Variants in SMCO4 observed in about 807,000 individuals in gnomAD.
SMCO4 encodes single-pass membrane protein with coiled-coil domains 4.
Under a neutral mutation model 3.6 loss-of-function variants are expected in SMCO4, and 4 were observed. That is an observed-to-expected ratio of 1.11 (90% CI 0.54 to 2.53). The LOEUF (loss-of-function observed/expected upper bound fraction) is 2.53. SMCO4 is among the 30% of genes most tolerant of loss of function. The probability of loss-of-function intolerance (pLI) is 0.02; values close to 1 mark genes in which losing one functional copy is unlikely to be tolerated. For synonymous variants in SMCO4, 36 were observed against 35.3 expected (o/e 1.02, Z -0.07); for missense variants, 70 against 80.8 (o/e 0.87, Z 0.51).
chr11:93,481,052 A>AG (rs374011282), intron 2 of SMCO4, among the ~76,000 whole-genome samples: 82 of 151,834 alleles, frequency 5.4e-4, no homozygotes, highest in African/African-American at 1.9e-3. Context: ...GAAAAAAAAA[A>AG]ACACCTACTA....
chr11:93,514,413 T>TATATACAC (rs58462328), intron 1 of SMCO4, among the ~76,000 whole-genome samples: 2,238 of 33,660 alleles, frequency 0.066, 202 homozygotes, highest in Non-Finnish European at 0.091. Flanking sequence ...TATATATATA[T>TATATACAC]ATATATATAA....
intron 2 of SMCO4, 74 bp from the exon 3 acceptor site, chr11:93,479,343 C>A: frequency 7.6e-7 from 1 of 1,317,264 alleles, no homozygotes; most frequent in Non-Finnish European, 9.9e-7. Context: ...AAGGCAAATA[C>A]ACAACTAGGA....
At chr11:93,544,348 G>C (rs910434288), upstream of SMCO4, among the ~76,000 whole-genome samples, 1 of 152,288 alleles carries the variant, frequency 6.6e-6, no homozygotes, top group East Asian at 1.9e-4. Flanking sequence ...CTTTATATGT[G>C]TGGTATTGTC....
chr11:93,514,611 A>G (rs941746871), intron 1 of SMCO4, among the ~76,000 whole-genome samples: 9 of 151,998 alleles, frequency 5.9e-5, no homozygotes, highest in Non-Finnish European at 1.3e-4. Flanking sequence ...CCTAATAAAC[A>G]AACAGGAATG....
intron 1 of SMCO4, among the ~76,000 whole-genome samples, chr11:93,534,375 T>TATATAGAGAGAGAG (rs369643237): frequency 7.7e-5 from 11 of 142,132 alleles, no homozygotes; most frequent in East Asian, 4.1e-4. Flanking sequence ...TATATATATA[T>TATATAGAGAGAGAG]AGAGAGAGAG....
intron 2 of SMCO4, chr11:93,481,301 C>A: frequency 3.6e-6 from 1 of 276,184 alleles, no homozygotes; most frequent in Non-Finnish European, 5.5e-6. Flanking sequence ...GCATCTGTAC[C>A]CAGAGCTCTG....
chr11:93,499,383 G>A (rs1948811809), intron 1 of SMCO4, 35 bp from the exon 2 acceptor site: 1 of 152,202 alleles, frequency 6.6e-6, no homozygotes, highest in Non-Finnish European at 1.5e-5. Flanking sequence ...TATAATAGCT[G>A]CTGGGGAGGT....
intron 2 of SMCO4, among the ~76,000 whole-genome samples, chr11:93,483,043 G>A (rs889414451): frequency 2.6e-5 from 4 of 152,154 alleles, no homozygotes; most frequent in African/African-American, 9.7e-5. Context: ...ACCTGCCTTC[G>A]AGAGGCAAAG....
the SMCO4 span, among the ~76,000 whole-genome samples, chr11:93,551,092 G>A: frequency 6.6e-6 from 1 of 152,144 alleles, no homozygotes; most frequent in East Asian, 1.9e-4. Context: ...ATCGAGTTGT[G>A]TGAATATAAA....
At chr11:93,513,904 T>C (rs1948981274) in intron 1 of SMCO4, among the ~76,000 whole-genome samples, 1 of 152,210 alleles carries the variant, frequency 6.6e-6, no homozygotes, top group Admixed American at 6.5e-5. Context: ...GCCAAATGTC[T>C]TTCCTTATCT....
At chr11:93,491,336 T>C (rs2134582507) in intron 2 of SMCO4, among the ~76,000 whole-genome samples, 1 of 152,358 alleles carries the variant, frequency 6.6e-6, no homozygotes, top group Middle Eastern at 3.4e-3. Flanking sequence ...TGTTAGGGCA[T>C]GGCCAGGGTA....
At chr11:93,518,819 G>A (rs1490784217) in intron 1 of SMCO4, among the ~76,000 whole-genome samples, 5 of 152,160 alleles carry the variant, frequency 3.3e-5, no homozygotes, top group Admixed American at 3.3e-4. Flanking sequence ...CATGTGACTG[G>A]CTATAAGACT....
intron 1 of SMCO4, chr11:93,535,951 A>C: frequency 1.4e-6 from 2 of 1,457,138 alleles, no homozygotes; most frequent in Non-Finnish European, 1.9e-6. Flanking sequence ...TTTGGAAAGA[A>C]TAGTTGCAGT....
At chr11:93,491,915 T>A (rs1160994830) in intron 2 of SMCO4, among the ~76,000 whole-genome samples, 2 of 152,216 alleles carry the variant, frequency 1.3e-5, no homozygotes, top group Admixed American at 1.3e-4. Flanking sequence ...CTTTTAGGCA[T>A]GAACTTCATC....
At chr11:93,544,301 G>A (rs963064987), upstream of SMCO4, among the ~76,000 whole-genome samples, 1 of 152,128 alleles carries the variant, frequency 6.6e-6, no homozygotes, top group Admixed American at 6.5e-5. Context: ...AACTATCTTC[G>A]AAATGTAAAA....
At chr11:93,495,853 T>G (rs984047215) in intron 2 of SMCO4, among the ~76,000 whole-genome samples, 1 of 152,250 alleles carries the variant, frequency 6.6e-6, no homozygotes, top group Non-Finnish European at 1.5e-5. Context: ...GAACACAATA[T>G]TCATTCTAAG....
intron 1 of SMCO4, among the ~76,000 whole-genome samples, chr11:93,510,771 T>C (rs1240801105): frequency 6.6e-6 from 1 of 152,150 alleles, no homozygotes; most frequent in Non-Finnish European, 1.5e-5. Flanking sequence ...GCTCTTCATC[T>C]AGTTAGAGCA....
intron 1 of SMCO4, among the ~76,000 whole-genome samples, chr11:93,507,168 G>T (rs1948914118): frequency 6.6e-6 from 1 of 152,200 alleles, no homozygotes; most frequent in Non-Finnish European, 1.5e-5. Context: ...ACTTTGGGAG[G>T]CCGAGGCAGG....
At chr11:93,488,067 G>A (rs1393593200) in intron 2 of SMCO4, among the ~76,000 whole-genome samples, 1 of 152,262 alleles carries the variant, frequency 6.6e-6, no homozygotes, top group Non-Finnish European at 1.5e-5. Context: ...GCATGTGTCA[G>A]ATGATGCTAT....
Sources: gnomAD v4.1 joint callset for allele counts (sites outside exome capture counted in the v4.1 genomes callset) on GRCh38, gnomAD v4.1.1 for gene constraint, MANE v1.5 for transcripts, NCBI Gene and HGNC (gene_info 2026-07-23, HGNC 2026-07-21) for gene names.